Variants in ADORA2B observed in about 807,000 individuals in gnomAD.
ADORA2B encodes adenosine A2b receptor.
In ADORA2B, 18 loss-of-function variants were observed where a neutral mutation model predicts 20.8. The observed-to-expected ratio is 0.87, with a 90% confidence interval of 0.60 to 1.29. The LOEUF is 1.29. Ranked by LOEUF, ADORA2B falls within the 50% of genes most tolerant of loss-of-function variation. The pLI, the probability that ADORA2B is intolerant of heterozygous loss-of-function variation, is 0.00. For missense variants in ADORA2B, 441 were observed against 422.7 expected (o/e 1.04, Z -0.38); for synonymous variants, 179 against 178.3 (o/e 1.00, Z -0.03).
chr17:15,936,423 C>T, the ADORA2B span, among the ~76,000 whole-genome samples: 1 of 151,936 alleles, frequency 6.6e-6, no homozygotes, highest in African/African-American at 2.4e-5. Flanking sequence ...GGTTCAGGCA[C>T]TTCTCATGCC....
At chr17:15,853,772 A>G in the ADORA2B span, among the ~76,000 whole-genome samples, 618 of 152,346 alleles carry the variant, frequency 4.1e-3, 15 homozygotes, top group East Asian at 0.034. Flanking sequence ...GACTAGAAAA[A>G]GACTAGAAAA....
intron 1 of ADORA2B, among the ~76,000 whole-genome samples, chr17:15,947,747 C>T (rs140310554): frequency 6.6e-6 from 1 of 152,356 alleles, no homozygotes; most frequent in Non-Finnish European, 1.5e-5. Context: ...CCTCAGCTGG[C>T]CTAGCAGTTC....
chr17:15,852,300 C>CT, the ADORA2B span, among the ~76,000 whole-genome samples: 1 of 151,982 alleles, frequency 6.6e-6, no homozygotes, highest in South Asian at 2.1e-4. Flanking sequence ...AATATTCTTC[C>CT]TTAACATCTT....
the ADORA2B span, among the ~76,000 whole-genome samples, chr17:15,894,920 G>C: frequency 6.6e-6 from 1 of 152,256 alleles, no homozygotes; most frequent in Non-Finnish European, 1.5e-5. Context: ...AGGATACTGG[G>C]GATAGTGGGG....
At chr17:15,967,306 C>T (rs543347731) in intron 1 of ADORA2B, among the ~76,000 whole-genome samples, 2 of 149,138 alleles carry the variant, frequency 1.3e-5, no homozygotes, top group East Asian at 3.9e-4. Context: ...TCACTCAGTT[C>T]ACTGCAACCC....
At chr17:15,919,447 G>GA in the ADORA2B span, among the ~76,000 whole-genome samples, 2 of 152,186 alleles carry the variant, frequency 1.3e-5, no homozygotes, top group Non-Finnish European at 2.9e-5. Flanking sequence ...TGGGCTCCCT[G>GA]AAAAAATGTG....
chr17:15,946,243 G>T (rs866439159), intron 1 of ADORA2B, among the ~76,000 whole-genome samples: 1 of 152,214 alleles, frequency 6.6e-6, no homozygotes, highest in African/African-American at 2.4e-5. Flanking sequence ...ATGCTTCCTC[G>T]TGTCTGGCAA....
At chr17:15,915,355 GTC>G in the ADORA2B span, among the ~76,000 whole-genome samples, 1 of 152,300 alleles carries the variant, frequency 6.6e-6, no homozygotes. Context: ...CTATTGCAAG[GTC>G]TCTAACCTTA....
At chr17:15,942,011 G>A (rs921163639), upstream of ADORA2B, among the ~76,000 whole-genome samples, 5 of 152,010 alleles carry the variant, frequency 3.3e-5, no homozygotes, top group Admixed American at 6.6e-5. Flanking sequence ...GGGAGAGGAC[G>A]GAGAAGGGAA....
chr17:15,900,810 T>C, the ADORA2B span, among the ~76,000 whole-genome samples: 1 of 152,110 alleles, frequency 6.6e-6, no homozygotes, highest in East Asian at 1.9e-4. Context: ...AAAAGTGAAG[T>C]TCTGCAGCGT....
chr17:15,874,050 A>ATG, the ADORA2B span, among the ~76,000 whole-genome samples: 1 of 114,660 alleles, frequency 8.7e-6, no homozygotes, highest in African/African-American at 3.9e-5. Context: ...GTGTATATAT[A>ATG]TATATATATG....
At chr17:15,868,625 A>AG in the ADORA2B span, among the ~76,000 whole-genome samples, 1 of 123,324 alleles carries the variant, frequency 8.1e-6, no homozygotes. Flanking sequence ...TACAAAAAAA[A>AG]AAAAAATAGC....
chr17:15,913,007 A>C, the ADORA2B span, among the ~76,000 whole-genome samples: 1 of 152,048 alleles, frequency 6.6e-6, no homozygotes, highest in Non-Finnish European at 1.5e-5. Flanking sequence ...GAGAGAAAAC[A>C]CTCACCCTAG....
chr17:15,938,700 C>G, the ADORA2B span, among the ~76,000 whole-genome samples: 1 of 152,220 alleles, frequency 6.6e-6, no homozygotes, highest in African/African-American at 2.4e-5. Context: ...TCTCTGGTCT[C>G]TGTCCACTAA....
At chr17:15,858,773 A>G in the ADORA2B span, 1 of 163,366 alleles carries the variant, frequency 6.1e-6, no homozygotes, top group Non-Finnish European at 1.4e-5. Flanking sequence ...GTCGGCCAGC[A>G]AAGGGATGAC....
the ADORA2B span, among the ~76,000 whole-genome samples, chr17:15,926,920 A>G: frequency 1.3e-5 from 2 of 152,130 alleles, no homozygotes; most frequent in African/African-American, 2.4e-5. Flanking sequence ...ACAGTGAGCC[A>G]TGATTGCATC....
intron 1 of ADORA2B, among the ~76,000 whole-genome samples, chr17:15,955,878 G>A (rs991628565): frequency 1.3e-5 from 2 of 150,990 alleles, no homozygotes; most frequent in African/African-American, 4.9e-5. Context: ...ACCACCACAC[G>A]TGGCTAATTT....
intron 1 of ADORA2B, among the ~76,000 whole-genome samples, chr17:15,962,486 A>G (rs1160511348): frequency 1.3e-5 from 2 of 151,842 alleles, no homozygotes; most frequent in Non-Finnish European, 2.9e-5. Flanking sequence ...TTTTATTTTC[A>G]TTAAACGAGT....
the ADORA2B span, among the ~76,000 whole-genome samples, chr17:15,876,772 G>A: frequency 6.6e-6 from 1 of 151,906 alleles, no homozygotes; most frequent in African/African-American, 2.4e-5. Flanking sequence ...GGCAAAATAC[G>A]TATAACATAA....
Sources: allele counts gnomAD v4.1 joint callset (sites outside exome capture counted in the v4.1 genomes callset), GRCh38; gene constraint gnomAD v4.1.1; transcripts MANE v1.5; gene names NCBI Gene and HGNC (gene_info 2026-07-23, HGNC 2026-07-21).